The following LAMA3 variants were observed in gnomAD, a reference collection of about 807,000 sequenced individuals.
LAMA3 encodes laminin subunit alpha-3.
A neutral mutation model predicts 402.0 loss-of-function variants in LAMA3; 281 were observed. The ratio of observed to expected loss-of-function variants is 0.70; its 90% confidence interval spans 0.63 to 0.77. The LOEUF is 0.77. Ranked by LOEUF, LAMA3 falls within the 30% of genes least tolerant of loss-of-function variation. The pLI, the probability that LAMA3 is intolerant of heterozygous loss-of-function variation, is 0.00. For missense variants in LAMA3, 3,840 were observed against 4,215.5 expected, an observed-to-expected ratio of 0.91 and a Z score of 2.47; for synonymous variants, 1,431 against 1,558.4, an observed-to-expected ratio of 0.92 and a Z score of 1.93.
At chr18:23,922,425 C>T (rs2081872800) in intron 62 of LAMA3, among the ~76,000 whole-genome samples, 1 of 152,212 alleles carries the variant, frequency 6.6e-6, no homozygotes, top group Non-Finnish European at 1.5e-5. Context: ...ATTCTTTCTT[C>T]TAGAGTCCTT....
At position 23,944,070 on chromosome 18, in the gene LAMA3, C is replaced by T. The variant is rs554806179; in HGVS notation, c.9210+99C>T. ...CCAGCATCCTTCCCAGACATGAGGG[C>T]GTGGAGTGGGAGAGCTTGTGTGCTT... On this transcript the variant is annotated intron_variant, in intron 69 of 74. Coordinates refer to ENST00000313654, the MANE Select transcript of LAMA3 (RefSeq NM_198129.4). 3.3e-5 allele frequency: 40 copies of T among 1,205,888 alleles called. No individual in the cohort carries two copies. The South Asian group carries it at 3.4e-4, about 10-fold the overall frequency. 74.7% of individuals were successfully genotyped at this position (1,205,888 alleles called of 1,614,324 possible). A position where few individuals can be genotyped will look rare whatever the true frequency, so the allele number is the denominator to read the frequency against.
Position 23,889,919 on chromosome 18 carries a change from T to C in LAMA3, c.5304-92T>C, listed in dbSNP as rs111528640. 22 of 938,480 alleles carry C rather than the reference T, an allele frequency of 2.3e-5. 1 individual carries two copies. The allele number at this position is 938,480 out of a possible 1,614,324, so 58.1% of individuals were successfully genotyped here. A position where few individuals can be genotyped will look rare whatever the true frequency, so the allele number is the denominator to read the frequency against. ...CGGTCTTCCACCCATTGGGTTACAA[T>C]ATCCCAAACAGAGAGCTAGAGATTG... On this transcript the variant is annotated intron_variant, in intron 41 of 74. Transcript: ENST00000313654.
intron 11 of LAMA3, chr18:23,781,298 G>GCA (rs2062432164): frequency 8.8e-6 from 4 of 456,166 alleles, no homozygotes; most frequent in Non-Finnish European, 1.8e-5. Flanking sequence ...GACGGACAGG[G>GCA]TGGTGCTCAT....
chr18:23,744,130 A>T (rs2061608076), intron 2 of LAMA3, among the ~76,000 whole-genome samples: 1 of 152,224 alleles, frequency 6.6e-6, no homozygotes, highest in Admixed American at 6.5e-5. Context: ...GAACATAATT[A>T]TGAGACCACT....
chr18:23,726,772 T>C (rs1302917768), intron 2 of LAMA3, among the ~76,000 whole-genome samples: 2 of 152,008 alleles, frequency 1.3e-5, no homozygotes, highest in Admixed American at 6.5e-5. Context: ...TGTCCGCCAC[T>C]GCGCCTGGCT....
chr18:23,912,289 G>A (rs2081459084), intron 55 of LAMA3, among the ~76,000 whole-genome samples: 1 of 151,510 alleles, frequency 6.6e-6, no homozygotes, highest in Non-Finnish European at 1.5e-5. Flanking sequence ...GTGAGCTACT[G>A]CACCTGGCTT....
chr18:23,829,860 G>A (rs936701123), intron 23 of LAMA3, among the ~76,000 whole-genome samples: 3 of 152,114 alleles, frequency 2.0e-5, no homozygotes, highest in Non-Finnish European at 2.9e-5. Context: ...ATTTATAAGT[G>A]AGAACATGCA....
At chr18:23,893,889 T>C (rs1568308760) in intron 42 of LAMA3, among the ~76,000 whole-genome samples, 1 of 152,234 alleles carries the variant, frequency 6.6e-6, no homozygotes, top group African/African-American at 2.4e-5. Context: ...TACAAGAGGC[T>C]CTTCAATGAA....
At chr18:23,784,727 CAT>C (rs2144016748) in intron 12 of LAMA3, among the ~76,000 whole-genome samples, 1 of 152,192 alleles carries the variant, frequency 6.6e-6, no homozygotes, top group East Asian at 1.9e-4. Flanking sequence ...GTCCCTAGAG[CAT>C]GGCAGGTATG....
rs563396426 is a variant in LAMA3, at chr18:23,816,142, T to G, written c.2048-246T>G. ...ACCTTTGGAAAGACACCATTTTAAT[T>G]TTGTTTTTGTTTTTGTTTTGGTTTT... On this transcript the variant is annotated intron_variant, in intron 17 of 74. Transcript: ENST00000313654. Among the ~76,000 whole-genome samples the G allele has an allele frequency of 2.6e-5, 4 of 152,250 alleles. No individual in the cohort carries two copies. In the East Asian group the frequency reaches 7.7e-4, roughly 29 times the overall value.
chr18:23,814,826 G>A (rs1015915019), intron 15 of LAMA3, among the ~76,000 whole-genome samples: 2 of 152,122 alleles, frequency 1.3e-5, no homozygotes, highest in Non-Finnish European at 2.9e-5. Context: ...GCCAGTATAA[G>A]GACTTAAAAA....
chr18:23,713,961 A>G lies in LAMA3; in HGVS notation c.336A>G (p.Lys112=), dbSNP rs1277721556. 3.1e-6 allele frequency: 5 copies of G among 1,614,028 alleles called. No individual in the cohort carries two copies. The highest frequency in any genetic ancestry group is 1.1e-5 in the South Asian group (1 of 91,074). ...CDYCNSEDPR[K]AHPVTNAIDG... is the part of the protein sequence containing the mutation. ...ATTGCAATTCTGAAGACCCCAGGAA[A>G]GCACATCCTGTCACCAATGCCATCG... is the stretch of plus-strand genomic sequence containing the variant. Residue 112 remains lysine (K), a synonymous_variant, in exon 2 of 75, where the codon AAA becomes AAG. Coordinates refer to ENST00000313654, the MANE Select transcript of LAMA3 (RefSeq NM_198129.4).
At chr18:23,774,325 G>A (rs981719530) in intron 9 of LAMA3, among the ~76,000 whole-genome samples, 13 of 152,188 alleles carry the variant, frequency 8.5e-5, no homozygotes, top group Non-Finnish European at 1.0e-4. Flanking sequence ...TATTTGTTGA[G>A]TACTTGCCAT....
intron 27 of LAMA3, among the ~76,000 whole-genome samples, chr18:23,841,647 G>A (rs1461887426): frequency 1.3e-5 from 2 of 152,184 alleles, no homozygotes; most frequent in African/African-American, 2.4e-5. Flanking sequence ...TCAGAGCTGG[G>A]CACAGTGGTT....
intron 1 of LAMA3, among the ~76,000 whole-genome samples, chr18:23,700,113 T>C (rs2060764777): frequency 6.6e-6 from 1 of 152,150 alleles, no homozygotes; most frequent in South Asian, 2.1e-4. Context: ...TCCATGATCT[T>C]TTTTTGTCCT....
intron 33 of LAMA3, 135 bp downstream of exon 33, chr18:23,858,123 T>C: frequency 9.2e-7 from 1 of 1,082,598 alleles, no homozygotes; most frequent in Non-Finnish European, 1.4e-6. Flanking sequence ...TAGCATTTTA[T>C]AGTCACGATC....
chr18:23,794,457 C>CA (rs1401412105), intron 12 of LAMA3, among the ~76,000 whole-genome samples: 1 of 152,182 alleles, frequency 6.6e-6, no homozygotes, highest in Non-Finnish European at 1.5e-5. Flanking sequence ...AAGTTGAAGC[C>CA]AGCTGTGGGG....
intron 2 of LAMA3, among the ~76,000 whole-genome samples, chr18:23,728,202 A>G (rs555347902): frequency 6.6e-6 from 1 of 152,326 alleles, no homozygotes; most frequent in Non-Finnish European, 1.5e-5. Flanking sequence ...CTTGTGACCC[A>G]GATAGTCTCC....
intron 47 of LAMA3, 159 bp downstream of exon 47, chr18:23,899,614 A>G: frequency 1.4e-6 from 1 of 720,738 alleles, no homozygotes; most frequent in Non-Finnish European, 2.4e-6. Context: ...GGTAGCCCCC[A>G]GGAGTCCCAG....
Sources: allele counts gnomAD v4.1 joint callset (sites outside exome capture counted in the v4.1 genomes callset), GRCh38; gene constraint gnomAD v4.1.1; transcripts MANE v1.5; gene names NCBI Gene and HGNC (gene_info 2026-07-23, HGNC 2026-07-21).